The following CD109 variants were observed in gnomAD, a reference collection of about 807,000 sequenced individuals.
The protein encoded by CD109 is CD109 antigen.
CD109 carries 149 observed loss-of-function variants against 165.8 expected under a neutral mutation model. The ratio of observed to expected loss-of-function variants is 0.90; its 90% CI spans 0.79 to 1.03. The LOEUF is 1.03. Ranked by LOEUF, CD109 falls within the 50% of genes least tolerant of loss-of-function variation. The pLI is 0.00. For synonymous variants in CD109, 585 were observed against 592.1 expected, an observed-to-expected ratio of 0.99 and a Z score of 0.18; for missense variants, 1,712 against 1,677.8, an observed-to-expected ratio of 1.02 and a Z score of -0.36.
intron 29 of CD109, among the ~76,000 whole-genome samples, chr6:73,813,622 C>T (rs1322710449): frequency 6.6e-6 from 1 of 152,058 alleles, no homozygotes; most frequent in Non-Finnish European, 1.5e-5. Flanking sequence ...TTTATAAGTG[C>T]TCTGGAACAA....
the CD109 span, among the ~76,000 whole-genome samples, chr6:73,689,511 G>A: frequency 2.6e-5 from 4 of 152,246 alleles, no homozygotes; most frequent in East Asian, 7.7e-4. Flanking sequence ...GTGTTATATT[G>A]AGTGTATAAA....
chr6:73,811,191 CT>C (rs750375231), intron 28 of CD109, 44 bp downstream of exon 28: 8 of 1,577,992 alleles, frequency 5.1e-6, no homozygotes, highest in Non-Finnish European at 6.9e-6. Flanking sequence ...GTAGACAATT[CT>C]TTATGCTGGA....
chr6:73,795,523 A>G lies in CD109; in HGVS notation c.2878+2721A>G, dbSNP rs189814353. Among the ~76,000 whole-genome samples, 210 of 152,242 alleles carry G rather than the reference A, an allele frequency of 1.4e-3. 4 individuals are homozygous for G. The highest frequency in any genetic ancestry group is 4.0e-4 in the Non-Finnish European group (27 of 68,014). Reference sequence around the variant, plus strand: ...TAGGTGGCCAAACTGTAGTTTTTCAAAGTAACCCAGAAAGGGTCTCTACTG... The same window carrying G: ...TAGGTGGCCAAACTGTAGTTTTTCAGAGTAACCCAGAAAGGGTCTCTACTG... On this transcript the variant is annotated intron_variant, in intron 23 of 32. Coordinates refer to ENST00000287097, the MANE Select transcript of CD109 (RefSeq NM_133493.5).
intron 2 of CD109, among the ~76,000 whole-genome samples, chr6:73,721,821 C>T (rs940253177): frequency 6.6e-6 from 1 of 152,128 alleles, no homozygotes; most frequent in Non-Finnish European, 1.5e-5. Flanking sequence ...ACTGCAACCT[C>T]CACCTCCTGG....
intron 2 of CD109, among the ~76,000 whole-genome samples, chr6:73,705,052 AG>A (rs1771214713): frequency 6.6e-6 from 1 of 152,152 alleles, no homozygotes; most frequent in African/African-American, 2.4e-5. Flanking sequence ...GGTGTGCCGG[AG>A]GAAAGAGCTG....
intron 22 of CD109, among the ~76,000 whole-genome samples, chr6:73,791,481 A>G (rs186672011): frequency 0.014 from 2,059 of 151,944 alleles, 45 homozygotes; most frequent in African/African-American, 0.047. Flanking sequence ...ACACACACGC[A>G]CACATATACA....
At chr6:73,765,259 T>C (rs1350555530) in intron 10 of CD109, among the ~76,000 whole-genome samples, 1 of 146,322 alleles carries the variant, frequency 6.8e-6, no homozygotes, top group Non-Finnish European at 1.5e-5. Context: ...AGCCCAGGAG[T>C]GAGGGGATGG....
At chr6:73,776,377 C>T (rs970041477) in intron 15 of CD109, among the ~76,000 whole-genome samples, 8 of 151,806 alleles carry the variant, frequency 5.3e-5, no homozygotes, top group South Asian at 2.1e-4. Context: ...CTCAGCCTCC[C>T]GAGTAGCTGG....
rs1458401783 is a variant in CD109, at chr6:73,820,503, A to T, written c.4102A>T (p.Asn1368Tyr). The T allele has an allele frequency of 6.2e-7, 1 of 1,612,514 alleles. No individual in the cohort carries two copies. The highest frequency in any genetic ancestry group is 1.7e-5 in the Admixed American group (1 of 59,806). Residue 1368 changes from asparagine to tyrosine, a missense_variant, in exon 32 of 33, where the codon AAC (asparagine) becomes TAC (tyrosine). Asn to Tyr is a moderately radical substitution (Grantham distance 143). Transcript: ENST00000287097. ...QFCVNIPAVRNFKVSNTQDAS... is the reference protein window; with the variant it reads ...QFCVNIPAVRYFKVSNTQDAS... ...TTGTGTTAATATTCCTGCTGTGAGA[A>T]ACTTTAAAGTTTCAAATACCCAAGA...
intron 3 of CD109, among the ~76,000 whole-genome samples, chr6:73,728,180 G>A (rs985761768): frequency 1.3e-5 from 2 of 152,132 alleles, no homozygotes; most frequent in Non-Finnish European, 2.9e-5. Flanking sequence ...AATTAGCTAG[G>A]CATGGTGGCG....
chr6:73,798,079 A>G (rs532146535), intron 23 of CD109, among the ~76,000 whole-genome samples: 4 of 150,674 alleles, frequency 2.7e-5, no homozygotes, highest in Admixed American at 1.3e-4. Flanking sequence ...TGTATTAACA[A>G]CAAACATTAT....
chr6:73,791,188 CATACATAT>C (rs1774943088), intron 22 of CD109, among the ~76,000 whole-genome samples: 1 of 19,318 alleles, frequency 5.2e-5, no homozygotes, highest in African/African-American at 2.6e-4. Context: ...CACACACACA[CATACATAT>C]ATATATATAT....
At chr6:73,723,606 C>G (rs1772036491) in intron 3 of CD109, among the ~76,000 whole-genome samples, 1 of 152,100 alleles carries the variant, frequency 6.6e-6, no homozygotes, top group South Asian at 2.1e-4. Flanking sequence ...ATGGATGGAG[C>G]TGGAGGCCAT....
At chr6:73,742,387 A>T (rs1171956304) in intron 5 of CD109, among the ~76,000 whole-genome samples, 1 of 152,182 alleles carries the variant, frequency 6.6e-6, no homozygotes. Flanking sequence ...TGAATATACC[A>T]CATTTGGTTG....
the CD109 span, among the ~76,000 whole-genome samples, chr6:73,679,624 TTCTG>T: frequency 8.0e-6 from 1 of 124,616 alleles, no homozygotes; most frequent in Non-Finnish European, 1.8e-5. Context: ...TTCTTTTCTT[TTCTG>T]TTTTTTTTTG....
chr6:73,732,706 A>T lies in CD109; in HGVS notation c.507+2132A>T, dbSNP rs1433558910. 5.3e-5 allele frequency among the ~76,000 whole-genome samples: 8 copies of T among 152,238 alleles called. No individual in the cohort carries two copies. In the East Asian group the frequency reaches 1.3e-3, roughly 26 times the overall value. On this transcript the variant is annotated intron_variant, in intron 4 of 32. Transcript: ENST00000287097. ...TTGCCTGTTCTAGACATCAACCCAG[A>T]ACTAACCCTGCTGGTTCTGGATAAT... is the stretch of plus-strand genomic sequence containing the variant.
Position 73,764,231 on chromosome 6 carries a change from T to A in CD109, c.1107+546T>A, listed in dbSNP as rs192296085. Among the ~76,000 whole-genome samples the A allele has an allele frequency of 2.7e-3, 416 of 152,336 alleles. 1 individual carries two copies. Among genetic ancestry groups the A allele is most frequent in the African/African-American group, 9.4e-3 (389 of 41,580 alleles). ...GTGATGGTGACAGGAAAATATATAC[T>A]TAACTATAACTCATGGCAGATTAAG... On this transcript the variant is annotated intron_variant, in intron 10 of 32. Transcript: ENST00000287097.
At chr6:73,697,166 C>T (rs1311612533) in intron 1 of CD109, among the ~76,000 whole-genome samples, 2 of 152,166 alleles carry the variant, frequency 1.3e-5, no homozygotes, top group Non-Finnish European at 2.9e-5. Context: ...ATAACACAGG[C>T]CTTCCTCTAG....
intron 29 of CD109, among the ~76,000 whole-genome samples, chr6:73,813,099 T>C (rs1582202352): frequency 6.6e-6 from 1 of 152,114 alleles, no homozygotes; most frequent in African/African-American, 2.4e-5. Context: ...TCCAAATAAT[T>C]CTAAGATTAT....
Sources: allele counts gnomAD v4.1 joint callset (sites outside exome capture counted in the v4.1 genomes callset), GRCh38; gene constraint gnomAD v4.1.1; transcripts MANE v1.5; gene names NCBI Gene and HGNC (gene_info 2026-07-23, HGNC 2026-07-21).